AARS1: variants seen among roughly 807,000 people sequenced by gnomAD.
AARS1 encodes alanine--tRNA ligase, cytoplasmic.
A neutral mutation model predicts 108.9 loss-of-function variants in AARS1; 72 were observed. The observed-to-expected ratio is 0.66, with a 90% CI of 0.55 to 0.80. The LOEUF (loss-of-function observed/expected upper bound fraction) is 0.80. Ranked by LOEUF, AARS1 falls within the 30% of genes least tolerant of loss-of-function variation. The pLI, the probability that AARS1 is intolerant of heterozygous loss-of-function variation, is 0.00. For synonymous variants in AARS1, 489 were observed against 465.7 expected (o/e 1.05, Z -0.64); for missense variants, 1,193 against 1,233.2 (o/e 0.97, Z 0.49).
At chr16:70,286,488 G>C (rs562051994) in intron 1 of AARS1, among the ~76,000 whole-genome samples, 1 of 151,706 alleles carries the variant, frequency 6.6e-6, no homozygotes, top group East Asian at 1.9e-4. Flanking sequence ...AGCCTCCGGA[G>C]TAGCTAGGAC....
At chr16:70,281,723 A>G (rs1328417166) in intron 2 of AARS1, among the ~76,000 whole-genome samples, 2 of 152,182 alleles carry the variant, frequency 1.3e-5, no homozygotes. Context: ...ATGGTAGAGC[A>G]TGCCTGTAGT....
In AARS1 at chr16:70,267,723, G is replaced by T. The variant is rs1247687114; in HGVS notation, c.1158C>A (p.Leu386=). Residue 386 remains leucine (L), a synonymous_variant, in exon 9 of 21, where the codon CTC becomes CTA. Transcript: ENST00000261772. ...NEEEVQFLKT[L]SRGRRILDRK... ...TGTCCAGGATGCGACGCCCTCTGCTGAGAGTCTTGAGAAACTGCACCTCTT... is the reference window on the plus strand; with the variant it reads ...TGTCCAGGATGCGACGCCCTCTGCTTAGAGTCTTGAGAAACTGCACCTCTT... The T allele has an allele frequency of 1.2e-6, 2 of 1,614,050 alleles. No homozygotes were observed. Among genetic ancestry groups the T allele is most frequent in the Non-Finnish European group, 1.7e-6 (2 of 1,180,044 alleles).
intron 4 of AARS1, among the ~76,000 whole-genome samples, chr16:70,274,372 A>G (rs1677000934): frequency 6.6e-6 from 1 of 151,846 alleles, no homozygotes; most frequent in Non-Finnish European, 1.5e-5. Flanking sequence ...CCTTTCTCCT[A>G]GTCTATTTCA....
At chr16:70,261,268 G>T in intron 12 of AARS1, 111 bp from the exon 13 acceptor site, 1 of 720,212 alleles carries the variant, frequency 1.4e-6, no homozygotes, top group Non-Finnish European at 2.4e-6. Flanking sequence ...TATGTAAATT[G>T]CACACACACA....
chr16:70,271,719 C>A (rs1960407458), intron 5 of AARS1, 62 bp downstream of exon 5: 3 of 1,525,268 alleles, frequency 2.0e-6, no homozygotes, highest in Non-Finnish European at 2.7e-6. Context: ...AGCTACACAG[C>A]TCCGAGTTCC....
intron 15 of AARS1, among the ~76,000 whole-genome samples, chr16:70,256,520 G>C (rs1164819337): frequency 6.6e-6 from 1 of 152,060 alleles, no homozygotes; most frequent in Non-Finnish European, 1.5e-5. Flanking sequence ...GGCTGGTCTT[G>C]AACTCCTGAC....
chr16:70,252,626 G>A lies in AARS1; in HGVS notation c.*95C>T. 1 of 1,392,802 alleles carries A rather than the reference G, an allele frequency of 7.2e-7. No homozygotes were observed. The highest frequency in any genetic ancestry group is 1.0e-6 in the Non-Finnish European group (1 of 987,902). 86.3% of individuals were successfully genotyped at this position (1,392,802 alleles called of 1,614,324 possible). ...TCCAGTTACTGCTGGGTTAGGAGGG[G>A]CTCTTTAAAGGTCCCAAGATTCAAA... On this transcript the variant is annotated 3_prime_UTR_variant, in exon 21 of 21. Transcript: ENST00000261772.
chr16:70,262,050 C>G (rs896586844), intron 12 of AARS1, among the ~76,000 whole-genome samples: 1 of 152,102 alleles, frequency 6.6e-6, no homozygotes, highest in African/African-American at 2.4e-5. Flanking sequence ...CGGCAGAGCT[C>G]GAGGCTGAGT....
chr16:70,275,936 C>CAAAAAAAAAAAAAAAAAAAAA (rs59002209), intron 4 of AARS1: 1 of 37,924 alleles, frequency 2.6e-5, no homozygotes, highest in African/African-American at 1.1e-4. Flanking sequence ...GACTCCATCT[C>CAAAAAAAAAAAAAAAAAAAAA]AAAAAAAAAA....
intron 2 of AARS1, among the ~76,000 whole-genome samples, chr16:70,280,862 C>T (rs1216784004): frequency 3.9e-5 from 6 of 152,164 alleles, no homozygotes; most frequent in Admixed American, 3.9e-4. Flanking sequence ...GGGTCTCACT[C>T]TGTTGTGCAG....
At chr16:70,288,535 C>T (rs927874822) in intron 1 of AARS1, among the ~76,000 whole-genome samples, 2 of 151,038 alleles carry the variant, frequency 1.3e-5, no homozygotes, top group East Asian at 3.9e-4. Flanking sequence ...GCTGTCAGTT[C>T]CATCCCAGCA....
chr16:70,282,589 C>G, intron 2 of AARS1, 31 bp downstream of exon 2: 1 of 1,613,550 alleles, frequency 6.2e-7, no homozygotes, highest in Middle Eastern at 1.7e-4. Flanking sequence ...TTATGTGAAC[C>G]AAAAGCCAAG....
intron 2 of AARS1, among the ~76,000 whole-genome samples, chr16:70,282,229 T>G: frequency 7.0e-6 from 1 of 143,018 alleles, no homozygotes; most frequent in East Asian, 2.1e-4. Flanking sequence ...CTCGGGAGGC[T>G]GGGGCAGGAG....
intron 12 of AARS1, chr16:70,261,433 T>TA (rs920344228): frequency 1.1e-4 from 35 of 332,356 alleles, no homozygotes; most frequent in Non-Finnish European, 1.9e-4. Flanking sequence ...CCATCTCTAC[T>TA]AAAAAAATAC....
Position 70,265,024 on chromosome 16 carries a change from G to A in AARS1, c.1426C>T (p.Arg476Trp), listed in dbSNP as rs780059987. The change falls in exon 11 of 21, where the codon CGG becomes TGG. Residue 476 changes from arginine (R) to tryptophan (W), a missense_variant. Coordinates refer to ENST00000261772, the MANE Select transcript of AARS1 (RefSeq NM_001605.3). ...GAATCATCTGTGACCTCCAGACCCC[G>A]TGCCCGGAGCTCTTCGATAGCGTAA... ...DIYAIEELRARGLEVTDDSPK... is the reference protein window; with the variant it reads ...DIYAIEELRAWGLEVTDDSPK... 1.9e-5 allele frequency: 31 copies of A among 1,614,012 alleles called. No homozygotes were observed. The highest frequency in any genetic ancestry group is 1.0e-4 in the Admixed American group (6 of 59,988).
chr16:70,263,520 G>A (rs1221109991), intron 11 of AARS1, among the ~76,000 whole-genome samples: 1 of 151,122 alleles, frequency 6.6e-6, no homozygotes, highest in Non-Finnish European at 1.5e-5. Context: ...GCAGTGAGCC[G>A]AGAATGCGCC....
At chr16:70,271,638 G>C (rs1960405938) in intron 5 of AARS1, 143 bp downstream of exon 5, 1 of 813,428 alleles carries the variant, frequency 1.2e-6, no homozygotes, top group Middle Eastern at 3.4e-4. Context: ...TGAAAGAATA[G>C]GCCCATCCTT....
Position 70,262,433 on chromosome 16 carries a change from C to T in AARS1, c.1584G>A (p.Val528=). Reference sequence around the variant, plus strand: ...CAGCATAGAAACAGGTCTTGTCCAGCACCACTCCACACTCCTGGCCTGTGG... The same window carrying T: ...CAGCATAGAAACAGGTCTTGTCCAGTACCACTCCACACTCCTGGCCTGTGG... The part of the protein sequence containing the change: ...EVSTGQECGV[V]LDKTCFYAEQ... Residue 528 remains valine, a synonymous_variant, in exon 12 of 21, where the codon GTG becomes GTA. Transcript: ENST00000261772. The T allele has an allele frequency of 6.2e-7, 1 of 1,614,188 alleles. No individual in the cohort carries two copies. The highest frequency in any genetic ancestry group is 8.5e-7 in the Non-Finnish European group (1 of 1,180,040).
intron 2 of AARS1, among the ~76,000 whole-genome samples, chr16:70,279,670 C>CAAAAAAAAAAAA (rs367753826): frequency 8.3e-4 from 95 of 114,100 alleles, no homozygotes; most frequent in East Asian, 1.6e-3. Context: ...CAAAAAAAAA[C>CAAAAAAAAAAAA]AAAAAAAAAA....
Sources: allele counts gnomAD v4.1 joint callset (sites outside exome capture counted in the v4.1 genomes callset), GRCh38; gene constraint gnomAD v4.1.1; transcripts MANE v1.5; gene names NCBI Gene and HGNC (gene_info 2026-07-23, HGNC 2026-07-21).